Variants in RABGAP1L observed in about 807,000 individuals in gnomAD.
RABGAP1L encodes RAB GTPase activating protein 1 like.
Under a neutral mutation model 137.7 loss-of-function variants are expected in RABGAP1L, and 63 were observed. That is an observed-to-expected ratio of 0.46 (90% CI 0.37 to 0.56). RABGAP1L has a LOEUF of 0.56. Among genes scored for constraint, RABGAP1L ranks in the 20% least tolerant of loss-of-function variants. The pLI is 0.00. For missense variants in RABGAP1L, 1,095 were observed against 1,244.0 expected (o/e 0.88, Z 1.80); for synonymous variants, 431 against 433.7 (o/e 0.99, Z 0.08).
chr1:174,538,501 C>A (rs894130009), intron 13 of RABGAP1L, among the ~76,000 whole-genome samples: 4 of 152,160 alleles, frequency 2.6e-5, no homozygotes, highest in African/African-American at 9.7e-5. Flanking sequence ...TGAAGTATAA[C>A]CCTATAGACA....
intron 19 of RABGAP1L, among the ~76,000 whole-genome samples, chr1:174,903,589 C>T (rs1018469488): frequency 1.3e-5 from 2 of 152,050 alleles, no homozygotes; most frequent in Non-Finnish European, 2.9e-5. Flanking sequence ...AGCAGTATAG[C>T]ATTAGGATTT....
At chr1:174,561,641 G>A (rs1159641264) in intron 13 of RABGAP1L, among the ~76,000 whole-genome samples, 1 of 152,128 alleles carries the variant, frequency 6.6e-6, no homozygotes, top group African/African-American at 2.4e-5. Flanking sequence ...AAACAGCATG[G>A]TACTGGTACC....
At chr1:174,500,335 C>T (rs1019725257) in intron 13 of RABGAP1L, among the ~76,000 whole-genome samples, 1 of 152,104 alleles carries the variant, frequency 6.6e-6, no homozygotes, top group African/African-American at 2.4e-5. Flanking sequence ...CCTTCTCGGC[C>T]TCCCAAAGTG....
chr1:174,578,976 T>C (rs1340024645), intron 13 of RABGAP1L, among the ~76,000 whole-genome samples: 1 of 152,100 alleles, frequency 6.6e-6, no homozygotes, highest in Non-Finnish European at 1.5e-5. Flanking sequence ...TAATAGCTAT[T>C]GAATGGAAAA....
At chr1:174,403,310 AC>A (rs1180757124) in intron 13 of RABGAP1L, among the ~76,000 whole-genome samples, 3 of 147,374 alleles carry the variant, frequency 2.0e-5, no homozygotes, top group African/African-American at 7.5e-5. Flanking sequence ...ACAGGGTCTC[AC>A]CATGTTGCTC....
intron 18 of RABGAP1L, among the ~76,000 whole-genome samples, chr1:174,777,011 T>C (rs949205483): frequency 1.4e-4 from 22 of 152,204 alleles, no homozygotes; most frequent in Non-Finnish European, 2.4e-4. Flanking sequence ...GTAGTTTTAC[T>C]AAATATTGTG....
At chr1:174,675,018 T>C (rs1355940874) in intron 14 of RABGAP1L, among the ~76,000 whole-genome samples, 1 of 152,028 alleles carries the variant, frequency 6.6e-6, no homozygotes, top group East Asian at 1.9e-4. Flanking sequence ...GTTGCAAAAA[T>C]TTTCTCCCAT....
At chr1:174,736,333 C>G (rs1456542530) in intron 17 of RABGAP1L, among the ~76,000 whole-genome samples, 3 of 152,248 alleles carry the variant, frequency 2.0e-5, no homozygotes, top group African/African-American at 7.2e-5. Context: ...AACCTTAAAG[C>G]TCCTAAATAA....
At chr1:174,657,405 T>C (rs1161218272) in intron 14 of RABGAP1L, among the ~76,000 whole-genome samples, 1 of 152,206 alleles carries the variant, frequency 6.6e-6, no homozygotes, top group Non-Finnish European at 1.5e-5. Context: ...CCCTTCTCTC[T>C]ACCCTTCCAA....
intron 13 of RABGAP1L, among the ~76,000 whole-genome samples, chr1:174,543,865 G>A (rs1011888527): frequency 4.9e-4 from 74 of 152,142 alleles, no homozygotes; most frequent in Admixed American, 4.3e-3. Flanking sequence ...GCTTAGTTTG[G>A]CTGAATATGA....
In RABGAP1L at chr1:174,574,665, AGTT is replaced by A. The variant is rs1420147023; in HGVS notation, c.1711-62709_1711-62707del. ...TTTTAACTTAAAAAGAGTATTATGT[AGTT>A]ATTATTATGCACGTTGATGTGGCAC... On this transcript the variant is annotated intron_variant, in intron 13 of 25. Coordinates refer to ENST00000681986, the MANE Select transcript of RABGAP1L (RefSeq NM_001366446.1). 2.6e-5 allele frequency among the ~76,000 whole-genome samples: 4 copies of A among 152,306 alleles called. No homozygotes were observed. In the East Asian group the frequency reaches 7.7e-4, roughly 29 times the overall value.
At chr1:174,660,574 A>C (rs1572715583) in intron 14 of RABGAP1L, among the ~76,000 whole-genome samples, 1 of 152,168 alleles carries the variant, frequency 6.6e-6, no homozygotes, top group African/African-American at 2.4e-5. Context: ...TTTTTCATTT[A>C]GTATTAAAGC....
intron 13 of RABGAP1L, among the ~76,000 whole-genome samples, chr1:174,397,879 C>T (rs1648071954): frequency 6.6e-6 from 1 of 152,182 alleles, no homozygotes; most frequent in Non-Finnish European, 1.5e-5. Context: ...TCCTCACAGA[C>T]TTCCTCAGGT....
intron 18 of RABGAP1L, among the ~76,000 whole-genome samples, chr1:174,757,821 C>T (rs1285235641): frequency 6.6e-6 from 1 of 151,646 alleles, no homozygotes; most frequent in East Asian, 1.9e-4. Flanking sequence ...GTCAAGGGTT[C>T]GAGACCAGCC....
At chr1:174,684,042 A>C (rs143550061) in intron 15 of RABGAP1L, among the ~76,000 whole-genome samples, 1 of 152,356 alleles carries the variant, frequency 6.6e-6, no homozygotes, top group African/African-American at 2.4e-5. Context: ...AAGTGGGGTT[A>C]TAAAGATGAA....
intron 11 of RABGAP1L, among the ~76,000 whole-genome samples, chr1:174,305,913 C>T (rs1470826498): frequency 6.6e-6 from 1 of 152,094 alleles, no homozygotes; most frequent in East Asian, 1.9e-4. Context: ...TATCCCTCCC[C>T]CCTCCTCCCA....
intron 18 of RABGAP1L, among the ~76,000 whole-genome samples, chr1:174,770,364 A>G (rs1686020197): frequency 6.6e-6 from 1 of 152,230 alleles, no homozygotes; most frequent in African/African-American, 2.4e-5. Context: ...CAGAAATAAT[A>G]CATTTTATGA....
intron 1 of RABGAP1L, among the ~76,000 whole-genome samples, chr1:174,172,177 TGTGTGTGTG>T (rs1665457239): frequency 1.2e-4 from 1 of 8,428 alleles, no homozygotes; most frequent in South Asian, 4.0e-3. Flanking sequence ...AATATTCCCT[TGTGTGTGTG>T]TGTGTGTGTG....
chr1:174,205,114 T>C (rs1668415865), intron 1 of RABGAP1L, among the ~76,000 whole-genome samples: 1 of 152,210 alleles, frequency 6.6e-6, no homozygotes, highest in African/African-American at 2.4e-5. Flanking sequence ...TATTGATTTG[T>C]GTATGTTTAA....
Sources: gnomAD v4.1 joint callset for allele counts (sites outside exome capture counted in the v4.1 genomes callset) on GRCh38, gnomAD v4.1.1 for gene constraint, MANE v1.5 for transcripts, NCBI Gene and HGNC (gene_info 2026-07-23, HGNC 2026-07-21) for gene names.